Variants in PDE1C observed in about 807,000 individuals in gnomAD.
PDE1C encodes dual specificity calcium/calmodulin-dependent 3',5'-cyclic nucleotide phosphodiesterase 1C.
PDE1C carries 62 observed loss-of-function variants against 93.1 expected under a neutral mutation model. That is an observed-to-expected ratio of 0.67 (90% confidence interval 0.54 to 0.82). PDE1C has a LOEUF of 0.82. Ranked by LOEUF, PDE1C falls within the 40% of genes least tolerant of loss-of-function variation. The pLI is 0.00. For synonymous variants in PDE1C, 325 were observed against 310.1 expected (o/e 1.05, Z -0.50); for missense variants, 742 against 884.6 (o/e 0.84, Z 2.04).
At chr7:31,929,111 C>CAAAA (rs200334154) in intron 2 of PDE1C, among the ~76,000 whole-genome samples, 1 of 141,198 alleles carries the variant, frequency 7.1e-6, no homozygotes, top group Non-Finnish European at 1.5e-5. Flanking sequence ...AAATGGAAAG[C>CAAAA]AAAAAAAAAA....
intron 1 of PDE1C, among the ~76,000 whole-genome samples, chr7:32,220,228 G>A (rs1040777030): frequency 2.0e-5 from 3 of 152,144 alleles, no homozygotes; most frequent in Non-Finnish European, 4.4e-5. Context: ...CCCTGGACAA[G>A]GCAAAGAAAA....
rs140978313 is a variant in PDE1C, at chr7:31,891,194, C to A, written c.129-10334G>T. Among the ~76,000 whole-genome samples the A allele has an allele frequency of 3.1e-4, 47 of 152,246 alleles. 1 individual carries two copies. The highest frequency in any genetic ancestry group is 6.2e-4 in the South Asian group (3 of 4,820). On this transcript the variant is annotated intron_variant, in intron 2 of 17. Coordinates refer to ENST00000396191, the MANE Select transcript of PDE1C (RefSeq NM_001191057.4). ...GTGCGAGAGGTTTTTATGAACCAGA[C>A]TGGAACTGGAACTGATTGCTCCTGG...
intron 17 of PDE1C, among the ~76,000 whole-genome samples, chr7:31,758,994 A>T (rs1215166736): frequency 2.6e-5 from 4 of 152,116 alleles, no homozygotes; most frequent in Middle Eastern, 3.2e-3. Flanking sequence ...ATTTGCTGGG[A>T]TTCTGATTGT....
At chr7:32,304,286 T>C (rs140468151), upstream of PDE1C, among the ~76,000 whole-genome samples, 2 of 152,306 alleles carry the variant, frequency 1.3e-5, no homozygotes, top group African/African-American at 4.8e-5. Flanking sequence ...GCCCATCTCC[T>C]CATGAGGATA....
intron 1 of PDE1C, among the ~76,000 whole-genome samples, chr7:32,400,428 AAG>A (rs944586061): frequency 7.3e-5 from 11 of 151,426 alleles, no homozygotes; most frequent in African/African-American, 2.0e-4. Flanking sequence ...AAAAAGAAAA[AAG>A]AAAATGGGAG....
At chr7:32,101,658 G>A (rs1302784201) in intron 3 of PDE1C, among the ~76,000 whole-genome samples, 1 of 152,184 alleles carries the variant, frequency 6.6e-6, no homozygotes, top group Non-Finnish European at 1.5e-5. Context: ...AGCATCACCA[G>A]GAGCAGATGT....
intron 2 of PDE1C, among the ~76,000 whole-genome samples, chr7:32,209,329 C>T (rs980497591): frequency 1.3e-5 from 2 of 152,154 alleles, no homozygotes; most frequent in African/African-American, 4.8e-5. Context: ...GAGTAGCTCA[C>T]CAGCCTGGGC....
intron 1 of PDE1C, among the ~76,000 whole-genome samples, chr7:32,238,760 A>G (rs1242314078): frequency 1.3e-5 from 2 of 152,254 alleles, no homozygotes; most frequent in Admixed American, 6.5e-5. Context: ...CTTGATATAG[A>G]ACAAGTTACA....
the PDE1C span, chr7:31,651,869 G>A: frequency 2.9e-6 from 3 of 1,019,118 alleles, no homozygotes; most frequent in Non-Finnish European, 4.5e-6. Context: ...CCTATATTAT[G>A]AGGTGACAAT....
chr7:32,295,140 G>A (rs1019498995), intron 1 of PDE1C, among the ~76,000 whole-genome samples: 1 of 152,226 alleles, frequency 6.6e-6, no homozygotes, highest in Non-Finnish European at 1.5e-5. Context: ...CCTCCAGGGA[G>A]CAGCAACCCC....
chr7:31,757,368 G>A (rs564341850), intron 17 of PDE1C, among the ~76,000 whole-genome samples: 1 of 152,190 alleles, frequency 6.6e-6, no homozygotes, highest in South Asian at 2.1e-4. Flanking sequence ...TCATGTTCTA[G>A]TCATGTAACT....
At chr7:32,024,546 T>C (rs1244406345) in intron 2 of PDE1C, among the ~76,000 whole-genome samples, 1 of 152,062 alleles carries the variant, frequency 6.6e-6, no homozygotes, top group African/African-American at 2.4e-5. Flanking sequence ...CCTCACTCTC[T>C]TACTCTTTCT....
chr7:32,024,981 A>G (rs1789221106), intron 2 of PDE1C, among the ~76,000 whole-genome samples: 1 of 152,056 alleles, frequency 6.6e-6, no homozygotes, highest in South Asian at 2.1e-4. Context: ...GAGGGTATCT[A>G]CTCGGGGGGC....
At chr7:31,755,840 C>A (rs776073953) in intron 17 of PDE1C, among the ~76,000 whole-genome samples, 20 of 152,112 alleles carry the variant, frequency 1.3e-4, no homozygotes, top group Non-Finnish European at 2.6e-4. Context: ...ATGGATTGGA[C>A]AAAGTGACAT....
chr7:32,119,619 T>C (rs1052584195), intron 3 of PDE1C, among the ~76,000 whole-genome samples: 1 of 152,186 alleles, frequency 6.6e-6, no homozygotes, highest in Admixed American at 6.5e-5. Flanking sequence ...GTGACTAGGC[T>C]GCTGGCATGA....
Position 32,407,131 on chromosome 7 carries a change from G to A in PDE1C, c.310+20691C>T, listed in dbSNP as rs187644483. Among the ~76,000 whole-genome samples, 1,059 of 152,118 alleles carry A rather than the reference G, an allele frequency of 7.0e-3. 9 individuals are homozygous for A. Among genetic ancestry groups the A allele is most frequent in the Middle Eastern group, 0.014 (4 of 294 alleles). On this transcript the variant is annotated intron_variant, in intron 1 of 1. Transcript: ENST00000672256. ...TCTACTAAAAATGCAAAAAATTATC[G>A]GGGTGTAGTGGTGGGCGCCTATAAT...
intron 1 of PDE1C, among the ~76,000 whole-genome samples, chr7:32,227,741 A>G (rs1216661385): frequency 6.6e-6 from 1 of 152,222 alleles, no homozygotes; most frequent in Non-Finnish European, 1.5e-5. Context: ...TATGACTTCC[A>G]AGGCTTGGAA....
upstream of PDE1C, chr7:32,070,442 G>C: frequency 6.2e-7 from 1 of 1,604,222 alleles, no homozygotes; most frequent in South Asian, 1.1e-5. Context: ...AGTTTGGGCT[G>C]TCCCCTCCCC....
chr7:32,138,567 T>C (rs1800334974), intron 3 of PDE1C, among the ~76,000 whole-genome samples: 1 of 152,108 alleles, frequency 6.6e-6, no homozygotes, highest in South Asian at 2.1e-4. Context: ...CACAGAATAC[T>C]GGGCAGACCA....
Sources: allele counts gnomAD v4.1 joint callset (sites outside exome capture counted in the v4.1 genomes callset), GRCh38; gene constraint gnomAD v4.1.1; transcripts MANE v1.5; gene names NCBI Gene and HGNC (gene_info 2026-07-23, HGNC 2026-07-21).